The following RBP7 variants were observed in gnomAD, a reference collection of about 807,000 sequenced individuals.
The protein encoded by RBP7 is retinol binding protein 7.
A neutral mutation model predicts 16.7 loss-of-function variants in RBP7; 13 were observed. The ratio of observed to expected loss-of-function variants is 0.78; its 90% CI spans 0.51 to 1.24. RBP7 has a LOEUF of 1.24. RBP7 is among the 50% of genes most tolerant of loss of function. RBP7 has a pLI of 0.00. For missense variants in RBP7, 145 were observed against 159.5 expected (o/e 0.91, Z 0.49); for synonymous variants, 54 against 56.2 (o/e 0.96, Z 0.17).
At chr1:10,007,327 T>A in intron 1 of RBP7, 1 of 453,348 alleles carries the variant, frequency 2.2e-6, no homozygotes, top group Non-Finnish European at 4.0e-6. Flanking sequence ...CAAACAATCC[T>A]CCTGTCTTCT....
At chr1:10,012,725 G>A (rs1642661877) in intron 3 of RBP7, among the ~76,000 whole-genome samples, 1 of 151,924 alleles carries the variant, frequency 6.6e-6, no homozygotes, top group South Asian at 2.1e-4. Context: ...CCTGAGGTCA[G>A]GAGTTCGAGA....
chr1:10,006,636 T>C (rs1457570044), intron 1 of RBP7, among the ~76,000 whole-genome samples: 3 of 149,330 alleles, frequency 2.0e-5, no homozygotes, highest in Admixed American at 6.8e-5. Context: ...GAGGTTGCAG[T>C]GAGCTGAAAT....
chr1:9,998,446 T>C (rs552561910), intron 1 of RBP7, among the ~76,000 whole-genome samples: 35 of 146,974 alleles, frequency 2.4e-4, no homozygotes, highest in African/African-American at 7.0e-4. Flanking sequence ...CTCGCTCTGT[T>C]GCCCAGGCTG....
At chr1:10,013,808 C>T (rs957823144) in intron 3 of RBP7, among the ~76,000 whole-genome samples, 5 of 151,652 alleles carry the variant, frequency 3.3e-5, no homozygotes, top group African/African-American at 9.7e-5. Flanking sequence ...AAGACTCCGT[C>T]GCAAAAAATT....
intron 1 of RBP7, among the ~76,000 whole-genome samples, chr1:10,002,080 G>A (rs764938118): frequency 1.3e-5 from 2 of 151,908 alleles, no homozygotes; most frequent in South Asian, 4.1e-4. Context: ...TGCCTGCCTC[G>A]GCCTCCTAAA....
At chr1:10,007,453 T>C (rs1642478400) in intron 1 of RBP7, 117 bp from the exon 2 acceptor site, 7 of 776,920 alleles carry the variant, frequency 9.0e-6, no homozygotes, top group South Asian at 1.9e-5. Context: ...GCAAACAACA[T>C]AGAAGTCGTA....
chr1:10,014,042 GACTGTCT>G (rs1642703989), intron 3 of RBP7, among the ~76,000 whole-genome samples: 1 of 152,132 alleles, frequency 6.6e-6, no homozygotes, highest in Non-Finnish European at 1.5e-5. Flanking sequence ...TTAACGACAT[GACTGTCT>G]ACTGAGGGTC....
intron 3 of RBP7, among the ~76,000 whole-genome samples, chr1:10,010,073 C>A (rs987514774): frequency 5.3e-5 from 8 of 152,118 alleles, no homozygotes; most frequent in African/African-American, 1.9e-4. Flanking sequence ...CCAAAACATT[C>A]CCTAGAGGCC....
Position 9,997,459 on chromosome 1 carries a change from C to T in RBP7, c.73+128C>T, listed in dbSNP as rs972575740. On this transcript the variant is annotated intron_variant, in intron 1 of 3. Transcript: ENST00000294435. The surrounding 1 kb of genome is among the most constrained non-coding windows in gnomAD (Gnocchi z 5.9). ...CTCCGCCCTGCTGCGCCCACCGTCG[C>T]CCAGTCGCCCCCGAGTCCGCTGGTC... 5 of 830,300 alleles carry T rather than the reference C, an allele frequency of 6.0e-6. No individual in the cohort carries two copies. In the African/African-American group the frequency reaches 7.2e-5, roughly 12 times the overall value. The allele number at this position is 830,300 out of a possible 1,614,324, so 51.4% of individuals were successfully genotyped here.
chr1:10,004,726 C>T (rs951050925), intron 1 of RBP7, among the ~76,000 whole-genome samples: 4 of 152,130 alleles, frequency 2.6e-5, no homozygotes, highest in Admixed American at 6.6e-5. Context: ...TTTTGATTTG[C>T]TTACATAATA....
intron 1 of RBP7, among the ~76,000 whole-genome samples, chr1:9,999,737 A>G (rs1301810137): frequency 1.3e-5 from 2 of 152,076 alleles, no homozygotes; most frequent in African/African-American, 2.4e-5. Flanking sequence ...AAGTACTTAC[A>G]TCAATTTGTT....
Position 10,007,693 on chromosome 1 carries a change from A to G in RBP7, c.197A>G (p.Lys66Arg). Residue 66 changes from lysine (K) to arginine (R), a missense_variant, in exon 2 of 4, where the codon AAA (lysine) becomes AGA (arginine). Coordinates refer to ENST00000294435, the MANE Select transcript of RBP7 (RefSeq NM_052960.3). ...SSLRNYFVKF[K>R]VGEEFDEDNR... is the part of the protein sequence containing the mutation. ...CTAAGGAACTACTTTGTGAAATTTAAAGTTGGAGAAGAATTTGATGAAGAT... is the reference window on the plus strand; with the variant it reads ...CTAAGGAACTACTTTGTGAAATTTAGAGTTGGAGAAGAATTTGATGAAGAT... 3 of 1,614,014 alleles carry G rather than the reference A, an allele frequency of 1.9e-6. No individual in the cohort carries two copies. The highest frequency in any genetic ancestry group is 2.5e-6 in the Non-Finnish European group (3 of 1,180,018).
chr1:9,998,407 C>CTTTCTTTCTTT (rs1553129444), intron 1 of RBP7, among the ~76,000 whole-genome samples: 17 of 121,582 alleles, frequency 1.4e-4, no homozygotes, highest in Non-Finnish European at 2.3e-4. Context: ...TTCTTTCTTT[C>CTTTCTTTCTTT]TTTTTTTTTT....
chr1:10,005,698 G>T (rs972946513), intron 1 of RBP7, among the ~76,000 whole-genome samples: 5 of 151,354 alleles, frequency 3.3e-5, no homozygotes, highest in Non-Finnish European at 7.4e-5. Flanking sequence ...CGAGTAGCTG[G>T]GATTACAGGG....
chr1:10,005,640 T>C (rs1037905832), intron 1 of RBP7, among the ~76,000 whole-genome samples: 2 of 151,606 alleles, frequency 1.3e-5, no homozygotes, highest in African/African-American at 4.8e-5. Context: ...CTCGGCTCAC[T>C]GCAGCCTCCA....
intron 2 of RBP7, among the ~76,000 whole-genome samples, 167 bp from the exon 3 acceptor site, chr1:10,008,006 A>G (rs997132248): frequency 6.6e-6 from 1 of 151,344 alleles, no homozygotes; most frequent in Non-Finnish European, 1.5e-5. Context: ...GTAAGCCAAG[A>G]TCGTGCCACT....
At position 10,007,717 on chromosome 1, in the gene RBP7, A is replaced by T. The variant is rs1642485527; in HGVS notation, c.221A>T (p.Asp74Val). Residue 74 changes from aspartate to valine, a missense_variant, in exon 2 of 4, where the codon GAT becomes GTT. Asp to Val is a radical substitution (Grantham distance 152). Transcript: ENST00000294435. ...AAAGTTGGAGAAGAATTTGATGAAG[A>T]TAACAGAGGCCTGGACAACAGAAAA... ...KFKVGEEFDE[D>V]NRGLDNRKCK... The T allele has an allele frequency of 6.2e-7, 1 of 1,613,790 alleles. No individual in the cohort carries two copies. Among genetic ancestry groups the T allele is most frequent in the Admixed American group, 1.7e-5 (1 of 59,900 alleles).
intron 1 of RBP7, among the ~76,000 whole-genome samples, chr1:10,005,627 G>A (rs1477650879): frequency 1.3e-5 from 2 of 151,076 alleles, no homozygotes; most frequent in African/African-American, 4.9e-5. Context: ...GCAGTCGCAC[G>A]ATCTCGGCTC....
At chr1:10,011,404 C>G (rs1196804505) in intron 3 of RBP7, among the ~76,000 whole-genome samples, 2 of 152,208 alleles carry the variant, frequency 1.3e-5, no homozygotes, top group Non-Finnish European at 1.5e-5. Flanking sequence ...AAAGGCTAAT[C>G]TATAACCAGA....
Sources: gnomAD v4.1 joint callset for allele counts (sites outside exome capture counted in the v4.1 genomes callset) on GRCh38, gnomAD v4.1.1 for gene constraint, Gnocchi (gnomAD v3.1) non-coding constraint, MANE v1.5 for transcripts, NCBI Gene and HGNC (gene_info 2026-07-23, HGNC 2026-07-21) for gene names.